Variants in CIROZ observed in about 807,000 individuals in gnomAD.
CIROZ encodes ciliated left-right organizer ZP-N domains-containing protein.
chr1:10,954,964 A>G, the CIROZ span: 1 of 1,579,346 alleles, frequency 6.3e-7, no homozygotes, highest in Non-Finnish European at 8.6e-7. Context: ...AGAAGGGGCG[A>G]GACAGAGATG....
chr1:10,975,851 C>T, the CIROZ span, among the ~76,000 whole-genome samples: 1 of 151,438 alleles, frequency 6.6e-6, no homozygotes, highest in African/African-American at 2.4e-5. Context: ...GACACAAATC[C>T]CCCAAGACAG....
the CIROZ span, chr1:10,955,228 T>C: frequency 2.5e-5 from 38 of 1,539,290 alleles, no homozygotes; most frequent in Middle Eastern, 1.2e-3. Flanking sequence ...AGGCACACTT[T>C]GCAGGCTCGT....
chr1:10,955,844 C>CAAAAAAAAA, the CIROZ span, among the ~76,000 whole-genome samples: 1 of 98,442 alleles, frequency 1.0e-5, no homozygotes, highest in Non-Finnish European at 2.3e-5. Flanking sequence ...AACTCCATCT[C>CAAAAAAAAA]AAAAAAAAAA....
At chr1:10,973,962 C>CCCCGA in the CIROZ span, among the ~76,000 whole-genome samples, 8 of 151,478 alleles carry the variant, frequency 5.3e-5, no homozygotes, top group Admixed American at 2.0e-4. Context: ...AAGGACCCCC[C>CCCCGA]CCACCAAGTC....
the CIROZ span, among the ~76,000 whole-genome samples, chr1:10,955,405 C>T: frequency 6.6e-6 from 1 of 152,204 alleles, no homozygotes; most frequent in African/African-American, 2.4e-5. Context: ...CATTCCCAAA[C>T]ACCTGACAGA....
chr1:10,979,102 G>A, the CIROZ span, among the ~76,000 whole-genome samples: 4 of 151,980 alleles, frequency 2.6e-5, no homozygotes, highest in African/African-American at 4.8e-5. Context: ...AGTGATTCTC[G>A]TGCCTCAGCC....
the CIROZ span, among the ~76,000 whole-genome samples, chr1:10,971,128 G>A: frequency 0.034 from 11 of 328 alleles, no homozygotes; most frequent in Non-Finnish European, 0.057. Context: ...CAGCCTAAGC[G>A]ACAGAGCAAG....
chr1:10,953,267 T>C, the CIROZ span, among the ~76,000 whole-genome samples: 4 of 152,224 alleles, frequency 2.6e-5, no homozygotes, highest in Admixed American at 2.6e-4. Flanking sequence ...CGCGTCTGTC[T>C]TCGATTGAGG....
At chr1:10,955,291 A>C in the CIROZ span, 1 of 1,046,054 alleles carries the variant, frequency 9.6e-7, no homozygotes, top group Non-Finnish European at 1.4e-6. Flanking sequence ...TGTGGCCGGC[A>C]CAGCACACTT....
the CIROZ span, among the ~76,000 whole-genome samples, chr1:10,947,017 G>C: frequency 6.6e-6 from 1 of 152,202 alleles, no homozygotes; most frequent in Non-Finnish European, 1.5e-5. Context: ...AATGGCTCTC[G>C]AGTTCTGAGT....
chr1:10,951,729 T>TAA, the CIROZ span, among the ~76,000 whole-genome samples: 5 of 110,172 alleles, frequency 4.5e-5, no homozygotes, highest in East Asian at 2.2e-4. Context: ...TGTCTCTTAT[T>TAA]TAAAAAAAAA....
chr1:10,948,128 G>A, the CIROZ span: 1 of 1,613,578 alleles, frequency 6.2e-7, no homozygotes, highest in Non-Finnish European at 8.5e-7. Context: ...TCACACTTGG[G>A]GTGGAGAATG....
At chr1:10,970,878 C>T in the CIROZ span, among the ~76,000 whole-genome samples, 5 of 150,742 alleles carry the variant, frequency 3.3e-5, no homozygotes, top group Admixed American at 1.3e-4. Flanking sequence ...GGCATGGGGG[C>T]TCATACCTGT....
At chr1:10,961,371 A>G in the CIROZ span, among the ~76,000 whole-genome samples, 1 of 152,018 alleles carries the variant, frequency 6.6e-6, no homozygotes, top group African/African-American at 2.4e-5. Context: ...GTAGGTGGGC[A>G]GAGGAAGCCC....
At chr1:10,973,701 C>T in the CIROZ span, among the ~76,000 whole-genome samples, 1 of 152,164 alleles carries the variant, frequency 6.6e-6, no homozygotes, top group Admixed American at 6.5e-5. Context: ...ACGGGAACTC[C>T]TTGGGTGCCT....
the CIROZ span, chr1:10,954,060 G>A: frequency 1.2e-5 from 20 of 1,613,828 alleles, no homozygotes; most frequent in Non-Finnish European, 1.7e-5. Context: ...GAGGACCGGG[G>A]CAGCCATCTC....
the CIROZ span, chr1:10,949,406 G>C: frequency 1.7e-6 from 1 of 599,552 alleles, no homozygotes; most frequent in Non-Finnish European, 2.9e-6. Context: ...GACAGATGAG[G>C]GGGGCTGCCC....
the CIROZ span, among the ~76,000 whole-genome samples, chr1:10,970,367 C>T: frequency 6.6e-6 from 1 of 152,140 alleles, no homozygotes; most frequent in Non-Finnish European, 1.5e-5. Flanking sequence ...GTGGCTCATG[C>T]CTGTAATCCC....
At chr1:10,948,637 C>T in the CIROZ span, 1 of 1,613,886 alleles carries the variant, frequency 6.2e-7, no homozygotes, top group Non-Finnish European at 8.5e-7. Context: ...GTTGGCAAGA[C>T]TGGACGTGGC....
Sources: gnomAD v4.1 joint callset for allele counts (sites outside exome capture counted in the v4.1 genomes callset) on GRCh38, gnomAD v4.1.1 for gene constraint, MANE v1.5 for transcripts, NCBI Gene and HGNC (gene_info 2026-07-23, HGNC 2026-07-21) for gene names.